The following PPP1R14C variants were observed in gnomAD, a reference collection of about 807,000 sequenced individuals.
PPP1R14C encodes the protein protein phosphatase 1 regulatory inhibitor subunit 14C.
In PPP1R14C, 16 loss-of-function variants were observed where a neutral mutation model predicts 20.4. The ratio of observed to expected loss-of-function variants is 0.78; its 90% CI spans 0.53 to 1.19. The LOEUF is 1.19. PPP1R14C is among the 50% of genes most tolerant of loss of function. The pLI is 0.00. For synonymous variants in PPP1R14C, 91 were observed against 91.0 expected, an observed-to-expected ratio of 1.00 and a Z score of 0.00; for missense variants, 211 against 220.1, an observed-to-expected ratio of 0.96 and a Z score of 0.26.
At chr6:150,150,260 C>G (rs1226870352) in intron 1 of PPP1R14C, among the ~76,000 whole-genome samples, 1 of 91,102 alleles carries the variant, frequency 1.1e-5, no homozygotes, top group African/African-American at 4.6e-5. Context: ...CACCTTTCTT[C>G]ATTGACTTAC....
chr6:150,195,174 G>A (rs1175295860), intron 1 of PPP1R14C: 1 of 984,326 alleles, frequency 1.0e-6, no homozygotes, highest in Non-Finnish European at 1.2e-6. Flanking sequence ...GTAGTTTTAA[G>A]CCTAAGCATT....
chr6:150,189,956 G>A (rs962564102), intron 1 of PPP1R14C, among the ~76,000 whole-genome samples: 1 of 152,090 alleles, frequency 6.6e-6, no homozygotes, highest in African/African-American at 2.4e-5. Context: ...GGCATCTACA[G>A]GAGGGTGAAA....
intron 1 of PPP1R14C, among the ~76,000 whole-genome samples, chr6:150,187,397 C>A (rs1777690511): frequency 6.6e-6 from 1 of 151,530 alleles, no homozygotes; most frequent in South Asian, 2.1e-4. Flanking sequence ...ATTTTGTCAC[C>A]CAGGTATTAA....
At chr6:150,221,997 C>G (rs1490805296) in intron 3 of PPP1R14C, among the ~76,000 whole-genome samples, 1 of 152,110 alleles carries the variant, frequency 6.6e-6, no homozygotes, top group Non-Finnish European at 1.5e-5. Context: ...CAAAGTTTCT[C>G]CATGTTGCCC....
intron 3 of PPP1R14C, among the ~76,000 whole-genome samples, chr6:150,231,026 G>A (rs894303316): frequency 6.6e-6 from 1 of 152,188 alleles, no homozygotes. Flanking sequence ...CAGGTGGGGC[G>A]CTGAGGGTGG....
At chr6:150,182,338 T>C (rs1312603775) in intron 1 of PPP1R14C, among the ~76,000 whole-genome samples, 1 of 152,234 alleles carries the variant, frequency 6.6e-6, no homozygotes, top group Non-Finnish European at 1.5e-5. Context: ...TTGAACAATA[T>C]AGATGTGTTT....
intron 3 of PPP1R14C, among the ~76,000 whole-genome samples, chr6:150,243,879 ATC>A (rs1778461545): frequency 6.6e-6 from 1 of 152,210 alleles, no homozygotes; most frequent in Non-Finnish European, 1.5e-5. Context: ...GTGTAGCTGA[ATC>A]TCCAAATAAT....
intron 1 of PPP1R14C, among the ~76,000 whole-genome samples, chr6:150,165,041 C>T (rs1044265747): frequency 6.6e-6 from 1 of 152,220 alleles, no homozygotes; most frequent in Non-Finnish European, 1.5e-5. Context: ...TGATGAACTT[C>T]CCAGCTTCCA....
At chr6:150,183,923 C>G (rs976886523) in intron 1 of PPP1R14C, among the ~76,000 whole-genome samples, 1 of 152,208 alleles carries the variant, frequency 6.6e-6, no homozygotes, top group Non-Finnish European at 1.5e-5. Context: ...AGAGAAACAG[C>G]AGAGACTTGC....
chr6:150,162,286 C>T (rs185201860), intron 1 of PPP1R14C, among the ~76,000 whole-genome samples: 3 of 152,342 alleles, frequency 2.0e-5, no homozygotes, highest in East Asian at 3.9e-4. Flanking sequence ...AACTCCTGAC[C>T]TCAGGTGATC....
At chr6:150,237,917 G>C (rs1206419605) in intron 3 of PPP1R14C, among the ~76,000 whole-genome samples, 3 of 152,120 alleles carry the variant, frequency 2.0e-5, no homozygotes, top group Non-Finnish European at 4.4e-5. Flanking sequence ...TGTTTCAAAG[G>C]GTTCTTCTAT....
chr6:150,209,141 A>C (rs569190456), intron 1 of PPP1R14C, among the ~76,000 whole-genome samples: 2 of 152,166 alleles, frequency 1.3e-5, no homozygotes, highest in South Asian at 4.1e-4. Flanking sequence ...CACAATTTGC[A>C]CAGGAGTTTA....
At chr6:150,211,331 G>A (rs933761390) in intron 1 of PPP1R14C, among the ~76,000 whole-genome samples, 9 of 152,188 alleles carry the variant, frequency 5.9e-5, no homozygotes, top group East Asian at 1.9e-4. Flanking sequence ...CCAGGGCCTC[G>A]TGCTATGGGT....
At chr6:150,191,735 T>C (rs564266244) in intron 1 of PPP1R14C, among the ~76,000 whole-genome samples, 1 of 152,374 alleles carries the variant, frequency 6.6e-6, no homozygotes, top group African/African-American at 2.4e-5. Context: ...GGATGTTTGC[T>C]ATTCTTTAGC....
At chr6:150,235,309 C>T (rs1318124409) in intron 3 of PPP1R14C, among the ~76,000 whole-genome samples, 1 of 152,174 alleles carries the variant, frequency 6.6e-6, no homozygotes, top group Non-Finnish European at 1.5e-5. Context: ...GGGCTGGTCT[C>T]GAATTCCTGG....
chr6:150,169,989 A>T (rs1386217304), intron 1 of PPP1R14C, among the ~76,000 whole-genome samples: 1 of 152,192 alleles, frequency 6.6e-6, no homozygotes, highest in Non-Finnish European at 1.5e-5. Flanking sequence ...TCCTTGCTGT[A>T]TGGGGACTGG....
chr6:150,198,754 T>C (rs763049669), intron 1 of PPP1R14C, among the ~76,000 whole-genome samples: 2 of 152,218 alleles, frequency 1.3e-5, no homozygotes, highest in African/African-American at 2.4e-5. Context: ...TGAGCTTGGC[T>C]TCCACAGCCA....
intron 1 of PPP1R14C, among the ~76,000 whole-genome samples, chr6:150,167,316 C>T (rs952445818): frequency 2.6e-5 from 4 of 151,388 alleles, no homozygotes; most frequent in Non-Finnish European, 5.9e-5. Context: ...TGAGGTGAGC[C>T]GAGATCGCAC....
chr6:150,194,635 C>G, intron 1 of PPP1R14C: 9 of 985,204 alleles, frequency 9.1e-6, no homozygotes, highest in Non-Finnish European at 1.1e-5. Context: ...ACCTTGGCTT[C>G]TGACTACTCC....
Sources: gnomAD v4.1 joint callset for allele counts (sites outside exome capture counted in the v4.1 genomes callset) on GRCh38, gnomAD v4.1.1 for gene constraint, MANE v1.5 for transcripts, NCBI Gene and HGNC (gene_info 2026-07-23, HGNC 2026-07-21) for gene names.